TUBB8: variants seen among roughly 807,000 people sequenced by gnomAD.
The protein encoded by TUBB8 is tubulin beta-8 chain.
TUBB8 carries 25 observed loss-of-function variants against 33.7 expected under a neutral mutation model. The observed-to-expected ratio is 0.74, with a 90% CI of 0.54 to 1.04. The LOEUF is 1.04. Among genes scored for constraint, TUBB8 ranks in the 50% least tolerant of loss-of-function variants. The pLI is 0.00. For synonymous variants in TUBB8, 245 were observed against 240.1 expected, an observed-to-expected ratio of 1.02 and a Z score of -0.19; for missense variants, 279 against 608.0, an observed-to-expected ratio of 0.46 and a Z score of 5.69.
chr10:71,882 C>T (rs1401071434), intron 1 of TUBB8, among the ~76,000 whole-genome samples: 1 of 151,346 alleles, frequency 6.6e-6, no homozygotes, highest in Admixed American at 6.6e-5. Flanking sequence ...CGCACTCCAG[C>T]CTGGGTGATA....
chr10:53,883 T>G (rs1376022905), upstream of TUBB8, among the ~76,000 whole-genome samples: 5 of 152,304 alleles, frequency 3.3e-5, no homozygotes, highest in Non-Finnish European at 7.3e-5. Context: ...CTCCTCCTTT[T>G]GGTTTTAATT....
chr10:46,750 T>C (rs1834332719), downstream of TUBB8: 1 of 395,812 alleles, frequency 2.5e-6, no homozygotes, highest in South Asian at 2.7e-5. Flanking sequence ...CCACAGCCCA[T>C]ACCGACCCCT....
At chr10:54,226 T>A (rs1375128866), upstream of TUBB8, among the ~76,000 whole-genome samples, 1 of 151,812 alleles carries the variant, frequency 6.6e-6, no homozygotes, top group Non-Finnish European at 1.5e-5. Context: ...AACCTTATAC[T>A]CTCTATCTCT....
chr10:54,223 T>C (rs1834502891), upstream of TUBB8, among the ~76,000 whole-genome samples: 1 of 151,994 alleles, frequency 6.6e-6, no homozygotes, highest in Non-Finnish European at 1.5e-5. Context: ...ACCAACCTTA[T>C]ACTCTCTATC....
At chr10:73,474 T>TCTCTACTAAAAATACAAAATTAG (rs1834764250) in intron 1 of TUBB8, among the ~76,000 whole-genome samples, 1 of 152,140 alleles carries the variant, frequency 6.6e-6, no homozygotes, top group Non-Finnish European at 1.5e-5. Context: ...AGAAACCCCG[T>TCTCTACTAAAAATACAAAATTAG]CTCTACTAAA....
chr10:59,466 G>GGC (rs1834571458), intron 1 of TUBB8, among the ~76,000 whole-genome samples: 1 of 152,376 alleles, frequency 6.6e-6, no homozygotes, highest in East Asian at 1.9e-4. Flanking sequence ...TGGGATTACA[G>GGC]GCGTGAGCCA....
upstream of TUBB8, chr10:49,941 G>A (rs569342591): frequency 9.9e-4 from 166 of 167,344 alleles, 1 homozygote; most frequent in Middle Eastern, 0.018. Context: ...CACTTTGCAG[G>A]CTTTTGGATT....
At chr10:50,917 G>A (rs1417355631), upstream of TUBB8, among the ~76,000 whole-genome samples, 1 of 152,242 alleles carries the variant, frequency 6.6e-6, no homozygotes, top group South Asian at 2.1e-4. Flanking sequence ...ATGGTCCAGG[G>A]AATCATCTCT....
intron 1 of TUBB8, among the ~76,000 whole-genome samples, chr10:67,842 G>A (rs1343646119): frequency 6.6e-6 from 1 of 152,170 alleles, no homozygotes; most frequent in East Asian, 1.9e-4. Context: ...CACAATCCTA[G>A]CTCTTCAGCA....
chr10:50,574 G>A (rs1554739439), upstream of TUBB8, among the ~76,000 whole-genome samples: 1 of 152,018 alleles, frequency 6.6e-6, no homozygotes, highest in Non-Finnish European at 1.5e-5. Flanking sequence ...TCACTTTTTG[G>A]CAGCAAAGCA....
chr10:58,344 C>T (rs1396888995), intron 1 of TUBB8, among the ~76,000 whole-genome samples: 6 of 152,246 alleles, frequency 3.9e-5, no homozygotes, highest in Admixed American at 3.9e-4. Context: ...CCTGTTTACC[C>T]AATTACAAAG....
At chr10:73,029 C>A (rs1304925849) in intron 1 of TUBB8, among the ~76,000 whole-genome samples, 1 of 151,628 alleles carries the variant, frequency 6.6e-6, no homozygotes, top group Non-Finnish European at 1.5e-5. Context: ...GGTATCATGT[C>A]AAAGCTTGAT....
intron 1 of TUBB8, among the ~76,000 whole-genome samples, chr10:56,210 C>A (rs564945211): frequency 6.6e-6 from 1 of 152,204 alleles, no homozygotes; most frequent in East Asian, 1.9e-4. Context: ...TTGGTAAATT[C>A]CCACACATTT....
upstream of TUBB8, chr10:50,195 G>C (rs1247708819): frequency 6.6e-6 from 1 of 152,298 alleles, no homozygotes; most frequent in Non-Finnish European, 1.5e-5. Flanking sequence ...AGCTCACAGG[G>C]CTGAGTCACC....
In TUBB8 at chr10:48,827, T is replaced by C. The variant is rs577701532; in HGVS notation, c.143A>G (p.Asn48Ser). ...GDSHLQLERI[N>S]VYYNEASGGR... is the part of the protein sequence containing the mutation. ...ACCGCTGGCCTCGTTGTAGTACACGTTGATGCGCTCCAGCTGCAGGTGGCT... is the reference window on the plus strand; with the variant it reads ...ACCGCTGGCCTCGTTGTAGTACACGCTGATGCGCTCCAGCTGCAGGTGGCT... Residue 48 changes from asparagine to serine, a missense_variant, in exon 2 of 4, where the codon AAC (asparagine) becomes AGC (serine). Coordinates refer to ENST00000568584, the MANE Select transcript of TUBB8 (RefSeq NM_177987.3). The C allele has an allele frequency of 6.2e-7, 1 of 1,608,770 alleles. No individual in the cohort carries two copies. Among genetic ancestry groups the C allele is most frequent in the Admixed American group, 1.7e-5 (1 of 59,108 alleles).
chr10:65,782 A>C (rs1357764243), intron 1 of TUBB8, among the ~76,000 whole-genome samples: 7 of 152,248 alleles, frequency 4.6e-5, no homozygotes, highest in Non-Finnish European at 7.3e-5. Flanking sequence ...GTAATTTCAT[A>C]CTAGCACGTA....
intron 1 of TUBB8, among the ~76,000 whole-genome samples, chr10:55,049 C>T (rs540455117): frequency 7.9e-5 from 12 of 152,236 alleles, no homozygotes; most frequent in Non-Finnish European, 1.3e-4. Context: ...AGCCACTGCG[C>T]CTGGCGAGAC....
chr10:76,339 G>C (rs557145926), upstream of TUBB8, among the ~76,000 whole-genome samples: 131 of 152,244 alleles, frequency 8.6e-4, no homozygotes, highest in African/African-American at 2.9e-3. Context: ...CTGTGCTGGG[G>C]GTGAGCCGCC....
At chr10:56,923 T>G (rs1462658526) in intron 1 of TUBB8, among the ~76,000 whole-genome samples, 1 of 152,068 alleles carries the variant, frequency 6.6e-6, no homozygotes, top group African/African-American at 2.4e-5. Flanking sequence ...CAAAGCTAGT[T>G]TATTCCTCCT....
Sources: gnomAD v4.1 joint callset for allele counts (sites outside exome capture counted in the v4.1 genomes callset) on GRCh38, gnomAD v4.1.1 for gene constraint, MANE v1.5 for transcripts, NCBI Gene and HGNC (gene_info 2026-07-23, HGNC 2026-07-21) for gene names.